Variants in BMP2K observed in about 807,000 individuals in gnomAD.
BMP2K encodes BMP-2-inducible protein kinase.
A neutral mutation model predicts 116.0 loss-of-function variants in BMP2K; 74 were observed. The observed-to-expected ratio is 0.64, with a 90% CI of 0.53 to 0.77. The LOEUF (loss-of-function observed/expected upper bound fraction) is 0.77. Ranked by LOEUF, BMP2K falls within the 30% of genes least tolerant of loss-of-function variation. The pLI, the probability that BMP2K is intolerant of heterozygous loss-of-function variation, is 0.00. For missense variants in BMP2K, 1,365 were observed against 1,403.6 expected, an observed-to-expected ratio of 0.97 and a Z score of 0.44; for synonymous variants, 486 against 502.5, an observed-to-expected ratio of 0.97 and a Z score of 0.44.
At chr4:78,867,171 C>CAA (rs1300770999) in intron 10 of BMP2K, among the ~76,000 whole-genome samples, 5 of 96,948 alleles carry the variant, frequency 5.2e-5, no homozygotes, top group African/African-American at 2.0e-4. Flanking sequence ...GACTCTGTCT[C>CAA]AAAAAAAAAA....
intron 3 of BMP2K, among the ~76,000 whole-genome samples, chr4:78,841,077 A>G (rs1730736504): frequency 6.6e-6 from 1 of 152,186 alleles, no homozygotes; most frequent in Non-Finnish European, 1.5e-5. Flanking sequence ...AACAAGTTAC[A>G]CCTGAGTTTT....
chr4:78,861,348 T>C, intron 8 of BMP2K, 41 bp from the exon 9 acceptor site: 1 of 1,506,318 alleles, frequency 6.6e-7, no homozygotes. Flanking sequence ...GCAATTAAAA[T>C]AAAAAACTAA....
chr4:78,826,703 T>C (rs143926905), intron 2 of BMP2K, among the ~76,000 whole-genome samples: 278 of 152,304 alleles, frequency 1.8e-3, no homozygotes, highest in African/African-American at 6.5e-3. Context: ...GAGGCCCGTA[T>C]GTAAAATGTA....
intron 15 of BMP2K, among the ~76,000 whole-genome samples, chr4:78,909,799 C>T (rs949511730): frequency 6.6e-6 from 1 of 152,138 alleles, no homozygotes; most frequent in Non-Finnish European, 1.5e-5. Flanking sequence ...TGACTGTAAA[C>T]CCCTGAAAGC....
chr4:78,842,633 C>G, intron 4 of BMP2K, 106 bp downstream of exon 4: 1 of 967,156 alleles, frequency 1.0e-6, no homozygotes. Context: ...AGGTTGGTCT[C>G]TCTCTCCCCT....
chr4:78,822,561 A>C (rs182130882), intron 1 of BMP2K, among the ~76,000 whole-genome samples: 1 of 151,416 alleles, frequency 6.6e-6, no homozygotes. Context: ...CATCAGATCA[A>C]TATCTGTCAC....
intron 7 of BMP2K, among the ~76,000 whole-genome samples, chr4:78,852,067 G>T (rs72862515): frequency 1.9e-3 from 286 of 152,140 alleles, no homozygotes; most frequent in African/African-American, 6.5e-3. Context: ...AAAAAAGGGA[G>T]CATAGAAGAA....
intron 15 of BMP2K, among the ~76,000 whole-genome samples, chr4:78,905,212 G>A (rs1189831202): frequency 6.6e-6 from 1 of 151,678 alleles, no homozygotes; most frequent in Non-Finnish European, 1.5e-5. Flanking sequence ...TTTTTGCACG[G>A]CATTTATTTA....
At chr4:78,900,123 A>T (rs1733917913) in intron 15 of BMP2K, among the ~76,000 whole-genome samples, 1 of 152,218 alleles carries the variant, frequency 6.6e-6, no homozygotes, top group South Asian at 2.1e-4. Context: ...TTTGCTCCTC[A>T]GCCTACTCAA....
chr4:78,895,608 A>G (rs1352766867), intron 15 of BMP2K, among the ~76,000 whole-genome samples: 1 of 152,184 alleles, frequency 6.6e-6, no homozygotes, highest in Non-Finnish European at 1.5e-5. Context: ...GGAAAAAATA[A>G]GAAGATGGAT....
In BMP2K at chr4:78,851,000, G is replaced by A. The variant is rs758798935; in HGVS notation, c.827G>A (p.Gly276Asp). Residue 276 changes from glycine (G) to aspartate (D), a missense_variant, in exon 7 of 16, where the codon GGC becomes GAC. By Grantham distance (94) the Gly-to-Asp change is moderately conservative. Around this residue, in one of 3 missense-constraint regions of BMP2K, gnomAD observed 762 missense variants for 756.7 expected, o/e 1.01. Transcript: ENST00000502613. ...FGESQVAICD[G>D]NFTIPDNSRY... is the part of the protein sequence containing the mutation. ...GAGAGTCAGGTTGCTATCTGTGATG[G>A]CAACTTCACCATCCCAGACAATTCT... 5 of 1,611,766 alleles carry A rather than the reference G, an allele frequency of 3.1e-6. No homozygotes were observed. In the Admixed American group the frequency reaches 8.4e-5, roughly 27 times the overall value.
chr4:78,828,557 T>TA (rs1407989799), intron 2 of BMP2K, among the ~76,000 whole-genome samples: 5 of 152,112 alleles, frequency 3.3e-5, no homozygotes, highest in Non-Finnish European at 7.4e-5. Context: ...AGTCCTGCCT[T>TA]GGGGCAGGTG....
intron 1 of BMP2K, among the ~76,000 whole-genome samples, chr4:78,821,847 A>G (rs548688175): frequency 6.6e-6 from 1 of 152,308 alleles, no homozygotes; most frequent in Non-Finnish European, 1.5e-5. Context: ...ATTCTTTTGC[A>G]TTATCTTTTT....
intron 10 of BMP2K, among the ~76,000 whole-genome samples, chr4:78,868,768 A>G (rs953669070): frequency 1.3e-5 from 2 of 152,312 alleles, no homozygotes; most frequent in East Asian, 1.9e-4. Flanking sequence ...AAAAGCTCCA[A>G]AATGATCTCC....
Position 78,854,595 on chromosome 4 carries a change from G to C in BMP2K, c.883+3539G>C, listed in dbSNP as rs140315045. ...GCCATGTATTTATTGACAGGATCTA[G>C]CTATGTTGCCCAGGCTGGTCTCAAC... On this transcript the variant is annotated intron_variant, in intron 7 of 15. Transcript: ENST00000502613. 2.6e-3 allele frequency among the ~76,000 whole-genome samples: 397 copies of C among 152,048 alleles called. 1 individual carries two copies. The highest frequency in any genetic ancestry group is 4.5e-3 in the Non-Finnish European group (303 of 67,944).
intron 1 of BMP2K, among the ~76,000 whole-genome samples, chr4:78,824,961 G>C (rs537216944): frequency 4.7e-4 from 72 of 152,264 alleles, no homozygotes; most frequent in South Asian, 1.9e-3. Context: ...CAGCACTTTG[G>C]GGGGACAAGG....
chr4:78,907,914 T>C (rs1734369058), intron 15 of BMP2K, among the ~76,000 whole-genome samples: 1 of 152,180 alleles, frequency 6.6e-6, no homozygotes, highest in Non-Finnish European at 1.5e-5. Flanking sequence ...CGTTAAACGT[T>C]TCACAGTCAG....
chr4:78,777,148 C>G (rs1468038778), intron 1 of BMP2K, among the ~76,000 whole-genome samples: 1 of 152,102 alleles, frequency 6.6e-6, no homozygotes. Context: ...GCATAGGACC[C>G]TGCAGCCCCT....
rs575256687 is a variant in BMP2K at position 78,829,827 on chromosome 4, C to T, written c.297+3672C>T. On this transcript the variant is annotated intron_variant, in intron 2 of 15. Coordinates refer to ENST00000502613, the MANE Select transcript of BMP2K (RefSeq NM_198892.2). The stretch of plus-strand genomic sequence containing the variant: ...CTTCTCTTCTCTTCTCTTCTCTTCT[C>T]TTCTCTTCTCTTCTCTTCTCTTCTT... Among the ~76,000 whole-genome samples, 199 of 140,028 alleles carry T rather than the reference C, an allele frequency of 1.4e-3. 1 individual carries two copies. Among genetic ancestry groups the T allele is most frequent in the African/African-American group, 5.5e-3 (184 of 33,544 alleles). The allele number at this position is 140,028 out of a possible 152,430, so 91.9% of individuals were successfully genotyped here.
Sources: gnomAD v4.1 joint callset for allele counts (sites outside exome capture counted in the v4.1 genomes callset) on GRCh38, gnomAD v4.1.1 for gene constraint, gnomAD v4.1.1 regional missense constraint, MANE v1.5 for transcripts, NCBI Gene and HGNC (gene_info 2026-07-23, HGNC 2026-07-21) for gene names.